Variants in WWP2 observed in about 807,000 individuals in gnomAD.
The protein encoded by WWP2 is NEDD4-like E3 ubiquitin-protein ligase WWP2.
Under a neutral mutation model 121.0 loss-of-function variants are expected in WWP2, and 57 were observed. The ratio of observed to expected loss-of-function variants is 0.47; its 90% CI spans 0.38 to 0.59. The LOEUF is 0.59. Ranked by LOEUF, WWP2 falls within the 20% of genes least tolerant of loss-of-function variation. The pLI is 0.00. For synonymous variants in WWP2, 449 were observed against 441.3 expected, an observed-to-expected ratio of 1.02 and a Z score of -0.22; for missense variants, 962 against 1,158.9, an observed-to-expected ratio of 0.83 and a Z score of 2.47.
At chr16:69,919,662 C>T (rs1157396420) in intron 10 of WWP2, among the ~76,000 whole-genome samples, 1 of 152,172 alleles carries the variant, frequency 6.6e-6, no homozygotes, top group Non-Finnish European at 1.5e-5. Flanking sequence ...AGACGTGGGA[C>T]TCCCAAGTTG....
intron 5 of WWP2, among the ~76,000 whole-genome samples, chr16:69,841,155 A>G (rs2056970425): frequency 1.3e-5 from 2 of 152,220 alleles, no homozygotes; most frequent in African/African-American, 4.8e-5. Context: ...CCAAATTCAC[A>G]TGGTCTCCAC....
At chr16:69,883,745 CTG>C (rs2057872752) in intron 7 of WWP2, among the ~76,000 whole-genome samples, 1 of 152,016 alleles carries the variant, frequency 6.6e-6, no homozygotes, top group Non-Finnish European at 1.5e-5. Flanking sequence ...CCTGCAAAAA[CTG>C]TTAAACAGAA....
chr16:69,921,742 C>T (rs1296017369), intron 10 of WWP2, among the ~76,000 whole-genome samples: 1 of 152,130 alleles, frequency 6.6e-6, no homozygotes, highest in African/African-American at 2.4e-5. Flanking sequence ...TATCACACGG[C>T]CGACAATTTC....
chr16:69,868,035 G>A (rs1029130756), intron 6 of WWP2, among the ~76,000 whole-genome samples: 14 of 152,226 alleles, frequency 9.2e-5, no homozygotes, highest in Non-Finnish European at 1.9e-4. Context: ...AGAGGAAACT[G>A]CCAAAGAGAG....
At chr16:69,907,352 A>G (rs2058310212) in intron 8 of WWP2, among the ~76,000 whole-genome samples, 1 of 152,204 alleles carries the variant, frequency 6.6e-6, no homozygotes, top group African/African-American at 2.4e-5. Flanking sequence ...AATTCCCATT[A>G]TGCTCACATC....
Position 69,842,009 on chromosome 16 carries a change from T to C in WWP2, c.479-15T>C. 4.4e-6 allele frequency: 7 copies of C among 1,608,878 alleles called. No individual in the cohort carries two copies. In the African/African-American group the frequency reaches 5.3e-5, roughly 12 times the overall value. On this transcript the variant is annotated splice_polypyrimidine_tract_variant and intron_variant, in intron 5 of 23. Coordinates refer to ENST00000359154, the MANE Select transcript of WWP2 (RefSeq NM_001270454.2). ...TCAATGCTTCTGTCTTTTCTTGTGATTGATTCCTTTCTAGGATCACAGCTG... is the reference window on the plus strand; with the variant it reads ...TCAATGCTTCTGTCTTTTCTTGTGACTGATTCCTTTCTAGGATCACAGCTG...
chr16:69,849,342 T>C (rs2057155178), intron 6 of WWP2, among the ~76,000 whole-genome samples: 1 of 152,214 alleles, frequency 6.6e-6, no homozygotes, highest in African/African-American at 2.4e-5. Flanking sequence ...GCTGCTTGAT[T>C]GGGAACTGCA....
intron 10 of WWP2, chr16:69,924,949 T>G: frequency 1.0e-6 from 1 of 987,534 alleles, no homozygotes; most frequent in Non-Finnish European, 1.2e-6. Flanking sequence ...TGGGCAGGGC[T>G]TGTGGGAATG....
At chr16:69,878,055 G>A (rs774874135) in intron 7 of WWP2, among the ~76,000 whole-genome samples, 2 of 152,032 alleles carry the variant, frequency 1.3e-5, no homozygotes, top group East Asian at 3.9e-4. Context: ...TGATCCACCC[G>A]CCTCAGCCTC....
chr16:69,878,570 C>G (rs1197350087), intron 7 of WWP2, among the ~76,000 whole-genome samples: 1 of 151,938 alleles, frequency 6.6e-6, no homozygotes, highest in African/African-American at 2.4e-5. Context: ...TTTTGTTGCC[C>G]AGGCCGGTCT....
intron 1 of WWP2, among the ~76,000 whole-genome samples, chr16:69,782,783 T>C (rs1006078026): frequency 6.6e-5 from 10 of 152,224 alleles, no homozygotes; most frequent in African/African-American, 2.2e-4. Flanking sequence ...ACTTTAGCTA[T>C]GGAAAATGTC....
At chr16:69,939,441 C>A in intron 23 of WWP2, 28 bp downstream of exon 23, 1 of 1,613,008 alleles carries the variant, frequency 6.2e-7, no homozygotes, top group South Asian at 1.1e-5. Flanking sequence ...AGTGGGAGGT[C>A]GGGGGGCCTC....
At chr16:69,915,750 C>T (rs974382896) in intron 9 of WWP2, among the ~76,000 whole-genome samples, 4 of 151,982 alleles carry the variant, frequency 2.6e-5, no homozygotes, top group South Asian at 2.1e-4. Flanking sequence ...CATATGACTT[C>T]GGGCCGGGTG....
intron 6 of WWP2, among the ~76,000 whole-genome samples, chr16:69,848,890 T>C (rs2057143421): frequency 6.6e-6 from 1 of 152,180 alleles, no homozygotes. Context: ...TCCCAGTGAT[T>C]TTTTTACATG....
intron 8 of WWP2, among the ~76,000 whole-genome samples, chr16:69,896,142 G>C (rs757200917): frequency 1.3e-5 from 2 of 151,874 alleles, no homozygotes; most frequent in Non-Finnish European, 2.9e-5. Flanking sequence ...TTTTTTTGGA[G>C]ACAGGGTCTC....
rs1364451433 is a variant in WWP2, at chr16:69,787,015, C to T, written c.5C>T (p.Ala2Val). 2.5e-6 allele frequency: 4 copies of T among 1,611,574 alleles called. No homozygotes were observed. Among genetic ancestry groups the T allele is most frequent in the Non-Finnish European group, 3.4e-6 (4 of 1,179,194 alleles). ...TTACAGCTTCACGGTGATGATATGG[C>T]ATCTGCCAGCTCTAGCCGGGCAGGA... M[A>V]SASSSRAGVA... The change falls in exon 2 of 24, where the codon GCA (alanine) becomes GTA (valine). Residue 2 changes from alanine (A) to valine (V), a missense_variant. Physicochemically the swap from Ala to Val is moderately conservative, Grantham distance 64. Transcript: ENST00000359154.
chr16:69,905,136 C>A (rs561793797), intron 8 of WWP2, among the ~76,000 whole-genome samples: 5 of 152,220 alleles, frequency 3.3e-5, no homozygotes, highest in Non-Finnish European at 7.3e-5. Context: ...AAAGACTTGC[C>A]GCTCACACTG....
intron 2 of WWP2, among the ~76,000 whole-genome samples, chr16:69,796,399 G>T (rs901909317): frequency 6.6e-6 from 1 of 152,174 alleles, no homozygotes; most frequent in Non-Finnish European, 1.5e-5. Flanking sequence ...ATGTGCTCAG[G>T]ACACTTCGAT....
intron 1 of WWP2, among the ~76,000 whole-genome samples, chr16:69,765,885 A>G (rs959890066): frequency 2.6e-5 from 4 of 152,020 alleles, no homozygotes; most frequent in Non-Finnish European, 4.4e-5. Flanking sequence ...CTGGTCTTGA[A>G]CACTTGGCCT....
Sources: gnomAD v4.1 joint callset for allele counts (sites outside exome capture counted in the v4.1 genomes callset) on GRCh38, gnomAD v4.1.1 for gene constraint, MANE v1.5 for transcripts, NCBI Gene and HGNC (gene_info 2026-07-23, HGNC 2026-07-21) for gene names.